CACNG2: variants seen among roughly 807,000 people sequenced by gnomAD.
The protein encoded by CACNG2 is voltage-dependent calcium channel gamma-2 subunit.
CACNG2 carries 3 observed loss-of-function variants against 25.9 expected under a neutral mutation model. The observed-to-expected ratio is 0.12, with a 90% CI of 0.05 to 0.30. CACNG2 has a LOEUF of 0.30. Ranked by LOEUF, CACNG2 falls within the 10% of genes least tolerant of loss-of-function variation. CACNG2 has a pLI of 1.00. For synonymous variants in CACNG2, 167 were observed against 173.3 expected (o/e 0.96, Z 0.29); for missense variants, 341 against 432.5 (o/e 0.79, Z 1.88).
chr22:36,669,853 C>T (rs1209083632), intron 1 of CACNG2, among the ~76,000 whole-genome samples: 1 of 152,124 alleles, frequency 6.6e-6, no homozygotes, highest in African/African-American at 2.4e-5. Context: ...GCTGGGATTA[C>T]AGGTGCCCAA....
At chr22:36,685,421 C>G (rs1432551198) in intron 1 of CACNG2, among the ~76,000 whole-genome samples, 1 of 152,146 alleles carries the variant, frequency 6.6e-6, no homozygotes, top group East Asian at 1.9e-4. Context: ...ACCATGGACC[C>G]ACCTCTGGCT....
intron 1 of CACNG2, among the ~76,000 whole-genome samples, chr22:36,629,342 G>T (rs1396045056): frequency 6.6e-6 from 1 of 152,140 alleles, no homozygotes; most frequent in Non-Finnish European, 1.5e-5. Flanking sequence ...CTGTGAGCTG[G>T]TGATGGAGAT....
At chr22:36,695,628 T>C (rs1473431762) in intron 1 of CACNG2, among the ~76,000 whole-genome samples, 1 of 152,086 alleles carries the variant, frequency 6.6e-6, no homozygotes, top group Non-Finnish European at 1.5e-5. Flanking sequence ...GATTAACTCC[T>C]ATTCATCCTT....
intron 1 of CACNG2, among the ~76,000 whole-genome samples, chr22:36,692,900 C>A (rs548308900): frequency 2.0e-5 from 3 of 152,336 alleles, no homozygotes; most frequent in East Asian, 3.9e-4. Context: ...AATCCCAGCA[C>A]TTTGGAAGGC....
chr22:36,666,196 G>C (rs1305250222), intron 1 of CACNG2, among the ~76,000 whole-genome samples: 3 of 152,144 alleles, frequency 2.0e-5, no homozygotes, highest in Non-Finnish European at 4.4e-5. Context: ...CTTTAGCCTA[G>C]GAGTTTGAGA....
At position 36,564,235 on chromosome 22, in the gene CACNG2, G is replaced by GT. The variant is rs1008166638; in HGVS notation, c.*115dup. On this transcript the variant is annotated 3_prime_UTR_variant, in exon 4 of 4. Transcript: ENST00000300105. The surrounding 1 kb of genome is among the most constrained non-coding windows in gnomAD (Gnocchi z 6.7). ...TGTTTTTTGTTTTTTTGTTTTTTTTGTTTTTTGTTTTTGCTTTTGGAAGGT... is the reference window on the plus strand; with the variant it reads ...TGTTTTTTGTTTTTTTGTTTTTTTTGTTTTTTTGTTTTTGCTTTTGGAAGGT... 7.3e-6 allele frequency: 6 copies of GT among 822,312 alleles called. No homozygotes were observed. The East Asian group carries it at 1.5e-4, about 20-fold the overall frequency. 50.9% of individuals were successfully genotyped at this position (822,312 alleles called of 1,614,324 possible).
chr22:36,644,147 T>A (rs889951966), intron 1 of CACNG2, among the ~76,000 whole-genome samples: 12 of 152,194 alleles, frequency 7.9e-5, no homozygotes, highest in African/African-American at 2.4e-4. Context: ...ATATTAAGTA[T>A]AAAGCTCATC....
At chr22:36,566,988 C>T (rs1935137828) in intron 2 of CACNG2, among the ~76,000 whole-genome samples, 1 of 152,230 alleles carries the variant, frequency 6.6e-6, no homozygotes, top group African/African-American at 2.4e-5. Flanking sequence ...GTTATGAGCT[C>T]CCTCGTCTGC....
chr22:36,649,754 T>G (rs183258247), intron 1 of CACNG2, among the ~76,000 whole-genome samples: 190 of 152,300 alleles, frequency 1.2e-3, no homozygotes, highest in African/African-American at 4.4e-3. Flanking sequence ...TGAATAAGTT[T>G]CACGAGATAT....
intron 1 of CACNG2, 65 bp downstream of exon 1, chr22:36,702,301 G>C (rs1380643708): frequency 2.0e-6 from 2 of 978,028 alleles, no homozygotes; most frequent in African/African-American, 1.6e-5. Flanking sequence ...GGAGGAGGGT[G>C]GGGAGGGGGG....
chr22:36,616,607 G>C (rs1168045253), intron 1 of CACNG2, among the ~76,000 whole-genome samples: 1 of 147,150 alleles, frequency 6.8e-6, no homozygotes, highest in Non-Finnish European at 1.5e-5. Context: ...ATCTGGAATT[G>C]ATTTTTTTTT....
intron 2 of CACNG2, among the ~76,000 whole-genome samples, chr22:36,570,620 G>A (rs767142941): frequency 2.5e-4 from 38 of 152,032 alleles, no homozygotes; most frequent in African/African-American, 3.4e-4. Flanking sequence ...AAAATTAGCC[G>A]GGCATGGTGG....
At chr22:36,613,951 AC>A (rs1935983278) in intron 1 of CACNG2, among the ~76,000 whole-genome samples, 1 of 151,682 alleles carries the variant, frequency 6.6e-6, no homozygotes, top group African/African-American at 2.4e-5. Context: ...TTGAATCTGG[AC>A]CCCTACCAAC....
At position 36,564,283 on chromosome 22, in the gene CACNG2, T is replaced by TCCCCG. The variant is rs975560861; in HGVS notation, c.*63_*67dup. On this transcript the variant is annotated 3_prime_UTR_variant, in exon 4 of 4. Transcript: ENST00000300105. The surrounding 1 kb of genome is among the most constrained non-coding windows in gnomAD (Gnocchi z 6.7). The stretch of plus-strand genomic sequence containing the variant: ...GGTCTCCCAGCGGAGGGTCTGGGTC[T>TCCCCG]CCCCGCCCCGCCCCGCCCCCGGGGA... 6.2e-6 allele frequency: 9 copies of TCCCCG among 1,459,136 alleles called. No homozygotes were observed. The highest frequency in any genetic ancestry group is 2.2e-4 in the Middle Eastern group (1 of 4,456). The allele number at this position is 1,459,136 out of a possible 1,614,324, so 90.4% of individuals were successfully genotyped here.
chr22:36,570,441 C>T (rs976966497), intron 2 of CACNG2, among the ~76,000 whole-genome samples: 4 of 152,186 alleles, frequency 2.6e-5, no homozygotes, highest in East Asian at 1.9e-4. Flanking sequence ...TCTGGCCTTT[C>T]GTGGAAGAGG....
At chr22:36,583,713 T>C (rs1935457259) in intron 2 of CACNG2, among the ~76,000 whole-genome samples, 1 of 152,126 alleles carries the variant, frequency 6.6e-6, no homozygotes, top group South Asian at 2.1e-4. Context: ...ATGGCTACAC[T>C]CTGGTTGCCC....
At chr22:36,622,687 G>A (rs946555771) in intron 1 of CACNG2, among the ~76,000 whole-genome samples, 1 of 152,140 alleles carries the variant, frequency 6.6e-6, no homozygotes, top group East Asian at 1.9e-4. Flanking sequence ...GGCTGGGCGC[G>A]GTGGCTCACG....
chr22:36,698,855 C>T lies in CACNG2; in HGVS notation c.211+3511G>A, dbSNP rs568224379. On this transcript the variant is annotated intron_variant, in intron 1 of 3. Coordinates refer to ENST00000300105, the MANE Select transcript of CACNG2 (RefSeq NM_006078.5). Reference sequence around the variant, plus strand: ...CTTCACCTCTGAAGGTCTGGAAATCCTTTGGGGGAGCCATGGAGCCAAGAC... The same window carrying T: ...CTTCACCTCTGAAGGTCTGGAAATCTTTTGGGGGAGCCATGGAGCCAAGAC... Among the ~76,000 whole-genome samples the T allele has an allele frequency of 1.2e-3, 184 of 152,174 alleles. 1 individual carries two copies. Among genetic ancestry groups the T allele is most frequent in the African/African-American group, 4.2e-3 (175 of 41,526 alleles).
rs989827624 is a variant in CACNG2 at position 36,620,561 on chromosome 22, A to G, written c.212-33013T>C. ...TGTTTAAGAACACAGACTTATGAGT[A>G]AGACTCCCCAGATTTGAATTCCAGC... On this transcript the variant is annotated intron_variant, in intron 1 of 3. Transcript: ENST00000300105. 9.2e-5 allele frequency among the ~76,000 whole-genome samples: 14 copies of G among 152,384 alleles called. 1 individual carries two copies. Among genetic ancestry groups the G allele is most frequent in the South Asian group, 4.1e-4 (2 of 4,828 alleles).
Sources: gnomAD v4.1 joint callset for allele counts (sites outside exome capture counted in the v4.1 genomes callset) on GRCh38, gnomAD v4.1.1 for gene constraint, Gnocchi (gnomAD v3.1) non-coding constraint, MANE v1.5 for transcripts, NCBI Gene and HGNC (gene_info 2026-07-23, HGNC 2026-07-21) for gene names.